Variants in ATXN2 observed in about 807,000 individuals in gnomAD.
The protein encoded by ATXN2 is ataxin 2, also known as ataxin-2.
Under a neutral mutation model 138.6 loss-of-function variants are expected in ATXN2, and 37 were observed. The observed-to-expected ratio is 0.27, with a 90% CI of 0.21 to 0.35. The LOEUF is 0.35. Ranked by LOEUF, ATXN2 falls within the 10% of genes least tolerant of loss-of-function variation. The probability of loss-of-function intolerance (pLI) is 1.00; values close to 1 mark genes in which losing one functional copy is unlikely to be tolerated. For synonymous variants in ATXN2, 549 were observed against 543.7 expected (o/e 1.01, Z -0.13); for missense variants, 1,216 against 1,480.3 (o/e 0.82, Z 2.93).
intron 5 of ATXN2, among the ~76,000 whole-genome samples, chr12:111,542,171 TCTA>T (rs751478789): frequency 7.5e-6 from 1 of 134,200 alleles, no homozygotes; most frequent in Non-Finnish European, 1.8e-5. Context: ...TTTAGCCAAA[TCTA>T]CTTTTATGTC....
intron 14 of ATXN2, among the ~76,000 whole-genome samples, chr12:111,495,022 A>AC (rs1264053632): frequency 6.6e-6 from 1 of 152,092 alleles, no homozygotes; most frequent in Non-Finnish European, 1.5e-5. Flanking sequence ...ATTTAAAAAA[A>AC]AGGCTGGGTG....
chr12:111,488,504 C>A lies in ATXN2; in HGVS notation c.2212G>T (p.Asp738Tyr). ...GCTGCGTCTTTCTTCTCTTCCTTAT[C>A]GTCTTTCTCTTGTTTACATGCTGGG... ...SSPACKQEKD[D>Y]KEEKKDAAEQ... Residue 738 changes from aspartate to tyrosine, a missense_variant, in exon 15 of 25, where the codon GAT becomes TAT. Coordinates refer to ENST00000673436, the MANE Select transcript of ATXN2 (RefSeq NM_001372574.1). 4 of 1,613,124 alleles carry A rather than the reference C, an allele frequency of 2.5e-6. No homozygotes were observed. The highest frequency in any genetic ancestry group is 3.4e-6 in the Non-Finnish European group (4 of 1,179,492).
At chr12:111,527,235 A>T (rs1800822774) in intron 5 of ATXN2, among the ~76,000 whole-genome samples, 1 of 152,188 alleles carries the variant, frequency 6.6e-6, no homozygotes, top group South Asian at 2.1e-4. Flanking sequence ...CCTACTACGA[A>T]CTAAGGAGTA....
chr12:111,485,118 A>G, intron 18 of ATXN2, 147 bp downstream of exon 18: 1 of 634,390 alleles, frequency 1.6e-6, no homozygotes, highest in Non-Finnish European at 2.7e-6. Context: ...CCATGTGAAT[A>G]TCTATGTAAT....
chr12:111,535,861 G>C (rs992596426), intron 5 of ATXN2, among the ~76,000 whole-genome samples: 1 of 150,424 alleles, frequency 6.6e-6, no homozygotes, highest in African/African-American at 2.4e-5. Flanking sequence ...TTAGCCGGGC[G>C]TAGTGGCGGG....
At position 111,572,000 on chromosome 12, in the gene ATXN2, A is replaced by G. The variant is rs1883342446; in HGVS notation, c.252-16081T>C. ...GCACTCCAGCCTGAGCAACACAGCA[A>G]GACTCTGTCTCAAAAAAAAAAAAAA... On this transcript the variant is annotated intron_variant, in intron 1 of 24. Coordinates refer to ENST00000673436, the MANE Select transcript of ATXN2 (RefSeq NM_001372574.1). 4.2e-5 allele frequency among the ~76,000 whole-genome samples: 6 copies of G among 142,310 alleles called. No homozygotes were observed. In the South Asian group the frequency reaches 1.4e-3, roughly 33 times the overall value. 93.4% of individuals were successfully genotyped at this position (142,310 alleles called of 152,430 possible).
chr12:111,455,507 T>C (rs1242356799), intron 23 of ATXN2: 1 of 282,346 alleles, frequency 3.5e-6, no homozygotes, highest in Non-Finnish European at 6.9e-6. Flanking sequence ...GGCCAAGCCC[T>C]CTCAAGAGTA....
chr12:111,525,704 A>C (rs1472778660), intron 5 of ATXN2, among the ~76,000 whole-genome samples: 1 of 133,258 alleles, frequency 7.5e-6, no homozygotes, highest in Non-Finnish European at 1.6e-5. Context: ...TTTTTTTTTG[A>C]GATAGAGTCT....
Position 111,519,900 on chromosome 12 carries a change from T to C in ATXN2, c.965A>G (p.Glu322Gly). Residue 322 changes from glutamate (E) to glycine (G), a missense_variant, in exon 8 of 25, where the codon GAG becomes GGG. By Grantham distance (98) the Glu-to-Gly change is moderately conservative. Transcript: ENST00000673436. ...TAVQRNSSER[E>G]GHSINTRENK... ...ATACCTAGTGTTTATGCTGTGCCCC[T>C]CACGTTCACTGGAATTTCTCTGAAC... The C allele has an allele frequency of 6.2e-7, 1 of 1,614,196 alleles. No individual in the cohort carries two copies. The highest frequency in any genetic ancestry group is 8.5e-7 in the Non-Finnish European group (1 of 1,180,022).
At chr12:111,506,388 A>C (rs1305409085) in intron 14 of ATXN2, among the ~76,000 whole-genome samples, 1 of 152,174 alleles carries the variant, frequency 6.6e-6, no homozygotes, top group Non-Finnish European at 1.5e-5. Context: ...TCTCATTAAA[A>C]ACCACTGATT....
chr12:111,464,706 T>G lies in ATXN2; in HGVS notation c.2852A>C (p.Lys951Thr). 1 of 1,611,272 alleles carries G rather than the reference T, an allele frequency of 6.2e-7. No homozygotes were observed. The highest frequency in any genetic ancestry group is 8.5e-7 in the Non-Finnish European group (1 of 1,177,946). Residue 951 changes from lysine to threonine, a missense_variant, in exon 21 of 25, where the codon AAA becomes ACA. Physicochemically the swap from Lys to Thr is moderately conservative, Grantham distance 78. Coordinates refer to ENST00000673436, the MANE Select transcript of ATXN2 (RefSeq NM_001372574.1). ...EQTHAMYACP[K>T]LPYNKETSPS... The stretch of plus-strand genomic sequence containing the variant: ...GCTTGTCTCCTTGTTGTATGGTAAT[T>G]TGGGACATGCTGAATTTGGGAAATA...
chr12:111,530,707 G>A (rs925757312), intron 5 of ATXN2, among the ~76,000 whole-genome samples: 5 of 152,208 alleles, frequency 3.3e-5, no homozygotes, highest in Non-Finnish European at 7.4e-5. Context: ...CCAGCTACTC[G>A]GGAGGCTGAG....
At chr12:111,597,930 C>T (rs1452847241) in intron 1 of ATXN2, 23 of 1,264,162 alleles carry the variant, frequency 1.8e-5, no homozygotes, top group South Asian at 1.0e-4. Flanking sequence ...GTTCCACAGG[C>T]GCCTTCTCCA....
At chr12:111,492,587 CAGG>C (rs1203398563) in intron 14 of ATXN2, among the ~76,000 whole-genome samples, 1 of 151,902 alleles carries the variant, frequency 6.6e-6, no homozygotes, top group Non-Finnish European at 1.5e-5. Context: ...GAGGCTGAGG[CAGG>C]AGAATTGCTT....
At chr12:111,499,648 T>C (rs1456661620) in intron 14 of ATXN2, among the ~76,000 whole-genome samples, 1 of 151,178 alleles carries the variant, frequency 6.6e-6, no homozygotes, top group East Asian at 1.9e-4. Context: ...CGCTCCAGCC[T>C]GGGCAACAAA....
chr12:111,484,498 T>A (rs1877500186), intron 18 of ATXN2, among the ~76,000 whole-genome samples: 1 of 152,134 alleles, frequency 6.6e-6, no homozygotes, highest in African/African-American at 2.4e-5. Context: ...AGTGGCACGA[T>A]CTTGGCTCAC....
In ATXN2 at chr12:111,516,141, T is replaced by G; in HGVS notation, c.1375+13A>C. ...AAGACAAACAAAAACATGAACAAAT[T>G]GTGGTATTGTACCTTCTGAAGACAT... is the stretch of plus-strand genomic sequence containing the variant. On this transcript the variant is annotated intron_variant, in intron 10 of 24. Transcript: ENST00000673436. This position sits in a 1 kb window ranked among gnomAD's most constrained non-coding sequence, Gnocchi z 5.0. 1 of 1,587,074 alleles carries G rather than the reference T, an allele frequency of 6.3e-7. No individual in the cohort carries two copies. Among genetic ancestry groups the G allele is most frequent in the Non-Finnish European group, 8.6e-7 (1 of 1,168,302 alleles).
At chr12:111,531,106 G>A (rs145095888) in intron 5 of ATXN2, among the ~76,000 whole-genome samples, 258 of 151,640 alleles carry the variant, frequency 1.7e-3, no homozygotes, top group African/African-American at 5.3e-3. Context: ...TAACAAGAGC[G>A]AAACTCTGTT....
intron 21 of ATXN2, among the ~76,000 whole-genome samples, chr12:111,460,499 T>C (rs1446197405): frequency 6.6e-6 from 1 of 152,018 alleles, no homozygotes; most frequent in Non-Finnish European, 1.5e-5. Context: ...TCTAAATCTG[T>C]CTAAGGAAAA....
Sources: allele counts gnomAD v4.1 joint callset (sites outside exome capture counted in the v4.1 genomes callset), GRCh38; gene constraint gnomAD v4.1.1; non-coding constraint Gnocchi (gnomAD v3.1); transcripts MANE v1.5; gene names NCBI Gene and HGNC (gene_info 2026-07-23, HGNC 2026-07-21).